Variants in BNC2 observed in about 807,000 individuals in gnomAD.
The protein encoded by BNC2 is basonuclin zinc finger protein 2.
A neutral mutation model predicts 76.3 loss-of-function variants in BNC2; 20 were observed. The ratio of observed to expected loss-of-function variants is 0.26; its 90% CI spans 0.18 to 0.38. The LOEUF is 0.38. Among genes scored for constraint, BNC2 ranks in the 10% least tolerant of loss-of-function variants. The probability of loss-of-function intolerance (pLI) is 1.00; values close to 1 mark genes in which losing one functional copy is unlikely to be tolerated. For missense variants in BNC2, 1,382 were observed against 1,399.8 expected, an observed-to-expected ratio of 0.99 and a Z score of 0.20; for synonymous variants, 582 against 514.8, an observed-to-expected ratio of 1.13 and a Z score of -1.77.
intron 3 of BNC2, among the ~76,000 whole-genome samples, chr9:16,601,634 G>C (rs1329641793): frequency 6.6e-6 from 1 of 152,124 alleles, no homozygotes; most frequent in Non-Finnish European, 1.5e-5. Flanking sequence ...ATGATGGAGA[G>C]GGGAAGAGGA....
chr9:16,682,644 C>A (rs1822858555), intron 3 of BNC2, among the ~76,000 whole-genome samples: 1 of 152,170 alleles, frequency 6.6e-6, no homozygotes, highest in Admixed American at 6.5e-5. Context: ...ATCCTCCACG[C>A]ATTCACATAA....
At chr9:16,800,399 CCTCT>C (rs1275427407) in intron 1 of BNC2, among the ~76,000 whole-genome samples, 1 of 152,086 alleles carries the variant, frequency 6.6e-6, no homozygotes, top group Non-Finnish European at 1.5e-5. Flanking sequence ...CAGCGTCTGT[CCTCT>C]CTAATTTGAA....
At chr9:16,581,095 C>T (rs1009920386) in intron 4 of BNC2, among the ~76,000 whole-genome samples, 33 of 152,178 alleles carry the variant, frequency 2.2e-4, no homozygotes, top group Admixed American at 1.9e-3. Flanking sequence ...CTGTTATGGG[C>T]TTGTGTTCTC....
intron 3 of BNC2, among the ~76,000 whole-genome samples, chr9:16,681,491 C>G (rs1428881883): frequency 6.6e-6 from 1 of 152,172 alleles, no homozygotes; most frequent in Non-Finnish European, 1.5e-5. Context: ...GATCTCACAT[C>G]TGGCAATCAT....
chr9:16,716,288 C>T (rs1480101784), intron 3 of BNC2, among the ~76,000 whole-genome samples: 1 of 152,162 alleles, frequency 6.6e-6, no homozygotes, highest in Non-Finnish European at 1.5e-5. Context: ...AAATATTCAT[C>T]TTTACTGACT....
chr9:16,523,493 C>CA (rs753945820), intron 5 of BNC2, among the ~76,000 whole-genome samples: 26 of 120,180 alleles, frequency 2.2e-4, no homozygotes, highest in East Asian at 4.1e-4. Context: ...AAAAACAAAA[C>CA]AAAAAAAAAC....
chr9:16,592,272 T>G (rs2065957592), intron 3 of BNC2, among the ~76,000 whole-genome samples: 1 of 152,122 alleles, frequency 6.6e-6, no homozygotes, highest in African/African-American at 2.4e-5. Flanking sequence ...AAAACTTCAT[T>G]TTATAAAACG....
chr9:16,693,288 A>G (rs1823237079), intron 3 of BNC2, among the ~76,000 whole-genome samples: 1 of 152,144 alleles, frequency 6.6e-6, no homozygotes, highest in South Asian at 2.1e-4. Flanking sequence ...TAAATTATTA[A>G]AAAGTAAAGA....
At chr9:16,469,992 CTTTTTTT>C (rs201134930) in intron 5 of BNC2, among the ~76,000 whole-genome samples, 1 of 114,958 alleles carries the variant, frequency 8.7e-6, no homozygotes, top group East Asian at 2.7e-4. Context: ...TAATGGCATT[CTTTTTTT>C]TTTTTTTTTT....
chr9:16,552,507 C>A, intron 5 of BNC2, 23 bp downstream of exon 5: 1 of 1,606,134 alleles, frequency 6.2e-7, no homozygotes, highest in Non-Finnish European at 8.5e-7. Context: ...CGGACACGGG[C>A]GGCGTTCAAG....
intron 1 of BNC2, among the ~76,000 whole-genome samples, chr9:16,857,887 A>G (rs1235987823): frequency 6.6e-6 from 1 of 152,248 alleles, no homozygotes; most frequent in Non-Finnish European, 1.5e-5. Flanking sequence ...TTAATTCAAC[A>G]ATGAAGCAAT....
At chr9:16,642,184 C>A (rs1249020550) in intron 3 of BNC2, among the ~76,000 whole-genome samples, 1 of 152,098 alleles carries the variant, frequency 6.6e-6, no homozygotes, top group African/African-American at 2.4e-5. Context: ...TAATATAATA[C>A]AAGTTTTGTT....
chr9:16,830,173 G>C (rs983919136), intron 1 of BNC2, among the ~76,000 whole-genome samples: 3 of 151,964 alleles, frequency 2.0e-5, no homozygotes, highest in African/African-American at 7.3e-5. Context: ...AATATCTAAC[G>C]GTTTTCCAAC....
At chr9:16,587,122 C>G (rs932047979) in intron 3 of BNC2, among the ~76,000 whole-genome samples, 2 of 151,592 alleles carry the variant, frequency 1.3e-5, no homozygotes, top group Admixed American at 1.3e-4. Context: ...AATTTACTAA[C>G]TTACCTAAAG....
intron 6 of BNC2, chr9:16,435,194 A>G: frequency 2.6e-6 from 1 of 390,206 alleles, no homozygotes; most frequent in Non-Finnish European, 5.0e-6. Flanking sequence ...AAATATATAT[A>G]TAACAGAAGC....
At chr9:16,669,192 G>A (rs1214771627) in intron 3 of BNC2, among the ~76,000 whole-genome samples, 3 of 152,124 alleles carry the variant, frequency 2.0e-5, no homozygotes, top group Admixed American at 2.0e-4. Context: ...TGGAGCCTGA[G>A]AATATAATGG....
At chr9:16,636,938 T>C (rs1278526036) in intron 3 of BNC2, among the ~76,000 whole-genome samples, 1 of 151,692 alleles carries the variant, frequency 6.6e-6, no homozygotes, top group Non-Finnish European at 1.5e-5. Flanking sequence ...TATATATATA[T>C]ATGTATTTTT....
At chr9:16,559,853 G>A (rs373757362) in intron 4 of BNC2, among the ~76,000 whole-genome samples, 2 of 152,328 alleles carry the variant, frequency 1.3e-5, no homozygotes, top group African/African-American at 4.8e-5. Flanking sequence ...GTATGCAGAT[G>A]CAAAAGTAAT....
intron 5 of BNC2, among the ~76,000 whole-genome samples, chr9:16,477,389 T>C (rs1587073695): frequency 1.3e-5 from 2 of 151,986 alleles, no homozygotes; most frequent in East Asian, 3.8e-4. Flanking sequence ...AAAAAAAAAG[T>C]CCTTGATTTT....
Sources: allele counts gnomAD v4.1 joint callset (sites outside exome capture counted in the v4.1 genomes callset), GRCh38; gene constraint gnomAD v4.1.1; transcripts MANE v1.5; gene names NCBI Gene and HGNC (gene_info 2026-07-23, HGNC 2026-07-21).